Variants in AATK observed in about 807,000 individuals in gnomAD.
AATK encodes serine/threonine-protein kinase LMTK1.
Under a neutral mutation model 114.3 loss-of-function variants are expected in AATK, and 91 were observed. The ratio of observed to expected loss-of-function variants is 0.80; its 90% CI spans 0.67 to 0.95. The LOEUF (loss-of-function observed/expected upper bound fraction) is 0.95. AATK is among the 40% of genes least tolerant of loss of function. The pLI, the probability that AATK is intolerant of heterozygous loss-of-function variation, is 0.00. For synonymous variants in AATK, 1,075 were observed against 916.5 expected (o/e 1.17, Z -3.12); for missense variants, 2,176 against 1,965.2 (o/e 1.11, Z -2.03).
At position 81,122,423 on chromosome 17, in the gene AATK, G is replaced by A. The variant is rs2060711529; in HGVS notation, c.1513C>T (p.Leu505=). 6.9e-7 allele frequency: 1 copy of A among 1,458,076 alleles called. No homozygotes were observed. The highest frequency in any genetic ancestry group is 9.0e-7 in the Non-Finnish European group (1 of 1,107,318). 90.3% of individuals were successfully genotyped at this position (1,458,076 alleles called of 1,614,324 possible). A position where few individuals can be genotyped will look rare whatever the true frequency, so the allele number is the denominator to read the frequency against. The change falls in exon 11 of 14, where the codon CTG becomes TTG. Residue 505 remains leucine, a synonymous_variant. Coordinates refer to ENST00000326724, the MANE Select transcript of AATK (RefSeq NM_001080395.3). The part of the protein sequence containing the change: ...SPGRTARLQE[L]CAPDGAPPGV... ...GGGGGCGCGCCGTCGGGGGCGCACA[G>A]CTCCTGCAGGCGTGCGGTGCGGCCA...
chr17:81,124,230 A>G (rs963887922), intron 9 of AATK, among the ~76,000 whole-genome samples: 1 of 151,712 alleles, frequency 6.6e-6, no homozygotes. Context: ...GGGGCGGACC[A>G]CTCCCCTGGC....
intron 1 of AATK, among the ~76,000 whole-genome samples, chr17:81,160,057 C>T (rs2061412010): frequency 6.6e-6 from 1 of 152,172 alleles, no homozygotes; most frequent in Non-Finnish European, 1.5e-5. Flanking sequence ...CCCCTCACTC[C>T]CCCTGGGGCA....
At chr17:81,165,100 C>T (rs2061470384) in intron 1 of AATK, among the ~76,000 whole-genome samples, 1 of 152,216 alleles carries the variant, frequency 6.6e-6, no homozygotes, top group South Asian at 2.1e-4. Context: ...GCCCTGGGGC[C>T]ATGGATGGCA....
chr17:81,145,239 AAAAAAAAAAAAG>A (rs1344895413), intron 1 of AATK, among the ~76,000 whole-genome samples: 37 of 126,826 alleles, frequency 2.9e-4, no homozygotes, highest in South Asian at 5.0e-4. Flanking sequence ...TCCATCAAAA[AAAAAAAAAAAAG>A]AAAAAGAAAA....
At chr17:81,125,709 G>A (rs955786407) in intron 7 of AATK, among the ~76,000 whole-genome samples, 2 of 151,996 alleles carry the variant, frequency 1.3e-5, no homozygotes, top group South Asian at 2.1e-4. Context: ...AGGACTCAGG[G>A]TGGGGACAGA....
chr17:81,147,226 T>C (rs1425356707), intron 1 of AATK, among the ~76,000 whole-genome samples: 2 of 151,740 alleles, frequency 1.3e-5, no homozygotes, highest in African/African-American at 4.8e-5. Context: ...CCAGGCGTGG[T>C]GGCAGGTACC....
intron 1 of AATK, among the ~76,000 whole-genome samples, chr17:81,150,940 G>A (rs2061286829): frequency 6.6e-6 from 1 of 152,180 alleles, no homozygotes; most frequent in Non-Finnish European, 1.5e-5. Flanking sequence ...ATGTCCAGGG[G>A]TCAGGCCAGT....
chr17:81,137,069 C>T (rs2061021699), intron 1 of AATK, among the ~76,000 whole-genome samples: 1 of 151,990 alleles, frequency 6.6e-6, no homozygotes, highest in African/African-American at 2.4e-5. Context: ...ACCAGCCTGG[C>T]CAACACAGCG....
At position 81,121,284 on chromosome 17, in the gene AATK, C is replaced by T. The variant is rs556995173; in HGVS notation, c.2652G>A (p.Pro884=). 3.2e-5 allele frequency: 51 copies of T among 1,611,496 alleles called. No individual in the cohort carries two copies. Among genetic ancestry groups the T allele is most frequent in the African/African-American group, 2.1e-4 (16 of 74,906 alleles). ...TSSDGLQARR[P]DVVPAFRSLQ... ...GAGAGCGGAAGGCTGGCACCACATC[C>T]GGCCTCCTGGCCTGCAGGCCGTCGC... The change falls in exon 11 of 14, where the codon CCG becomes CCA. Residue 884 remains proline (P), a synonymous_variant. Coordinates refer to ENST00000326724, the MANE Select transcript of AATK (RefSeq NM_001080395.3).
chr17:81,130,547 G>A (rs560700753), intron 3 of AATK, among the ~76,000 whole-genome samples: 215 of 152,102 alleles, frequency 1.4e-3, no homozygotes, highest in Non-Finnish European at 2.3e-3. Context: ...TTCACCACCC[G>A]CCCACACGGG....
chr17:81,156,445 C>A (rs1294753410), intron 1 of AATK, among the ~76,000 whole-genome samples: 1 of 152,182 alleles, frequency 6.6e-6, no homozygotes, highest in Non-Finnish European at 1.5e-5. Context: ...GTCGCCCAGG[C>A]TGGAGTGCAG....
intron 1 of AATK, among the ~76,000 whole-genome samples, chr17:81,163,814 C>T (rs2061453048): frequency 1.3e-5 from 2 of 152,268 alleles, no homozygotes; most frequent in South Asian, 2.1e-4. Flanking sequence ...GAGACTGGCA[C>T]CAGTTCCTGC....
At position 81,120,742 on chromosome 17, in the gene AATK, G is replaced by A. The variant is rs2060689054; in HGVS notation, c.3194C>T (p.Ser1065Phe). 4 of 1,576,322 alleles carry A rather than the reference G, an allele frequency of 2.5e-6. No individual in the cohort carries two copies. The Admixed American group carries it at 7.3e-5, about 29-fold the overall frequency. Residue 1065 changes from serine (S) to phenylalanine (F), a missense_variant, in exon 11 of 14, where the codon TCC (serine) becomes TTC (phenylalanine). Transcript: ENST00000326724. ...GGGGCAGGTGCTGGGCTCTGGGGAGGACCCTTCAAGCTGCAGCAGTGGGGG... is the reference window on the plus strand; with the variant it reads ...GGGGCAGGTGCTGGGCTCTGGGGAGAACCCTTCAAGCTGCAGCAGTGGGGG... ...VLPPLLQLEG[S>F]SPEPSTCPSG...
Position 81,136,881 on chromosome 17 carries a change from C to G in AATK, c.56-2380G>C, listed in dbSNP as rs372611084. Among the ~76,000 whole-genome samples the G allele has an allele frequency of 2.5e-3, 388 of 152,264 alleles. 5 individuals are homozygous for G. Among genetic ancestry groups the G allele is most frequent in the South Asian group, 0.022 (104 of 4,824 alleles). On this transcript the variant is annotated intron_variant, in intron 1 of 13. Transcript: ENST00000326724. ...CAGTTTCTGGAGCCCCTACCAGTGC[C>G]CAGAGCAGCAGAAACCACAGCGGTT...
At chr17:81,165,897 AG>A in intron 1 of AATK, 40 bp downstream of exon 1, 3 of 1,559,560 alleles carry the variant, frequency 1.9e-6, no homozygotes, top group Non-Finnish European at 2.6e-6. Flanking sequence ...TCCGCAGCGG[AG>A]GGAGGCAGCG....
In AATK at chr17:81,120,059, C is replaced by T. The variant is rs567312551; in HGVS notation, c.3760G>A (p.Glu1254Lys). 18 of 1,457,584 alleles carry T rather than the reference C, an allele frequency of 1.2e-5. No homozygotes were observed. The African/African-American group carries it at 2.5e-4, about 20-fold the overall frequency. The allele number at this position is 1,457,584 out of a possible 1,614,324, so 90.3% of individuals were successfully genotyped here. ...GATTCCTTGGCGCCCGGGAAGGGCT[C>T]CCCGAGCTCCCGGGTGGGGCTTTCC... ...DQESPTRELG[E>K]PFPGAKESPP... Residue 1254 changes from glutamate (E) to lysine (K), a missense_variant, in exon 12 of 14, where the codon GAG (glutamate) becomes AAG (lysine). This residue lies in a region of AATK where 1,701 missense variants were observed against 1,394.7 expected (regional missense o/e 1.22). Coordinates refer to ENST00000326724, the MANE Select transcript of AATK (RefSeq NM_001080395.3).
intron 1 of AATK, among the ~76,000 whole-genome samples, chr17:81,163,970 GC>G (rs897504430): frequency 6.6e-6 from 1 of 152,148 alleles, no homozygotes; most frequent in Non-Finnish European, 1.5e-5. Flanking sequence ...CCCTCTGGGT[GC>G]CCCCCCACAG....
chr17:81,119,634 GCCCCGCTCC>G, intron 12 of AATK, 54 bp from the exon 13 acceptor site: 1 of 1,316,724 alleles, frequency 7.6e-7, no homozygotes, highest in Middle Eastern at 2.8e-4. Context: ...CCCCGGCCCG[GCCCCGCTCC>G]CACAGTCACG....
At chr17:81,159,732 C>T (rs2061407971) in intron 1 of AATK, among the ~76,000 whole-genome samples, 1 of 152,040 alleles carries the variant, frequency 6.6e-6, no homozygotes, top group Admixed American at 6.5e-5. Flanking sequence ...ACGGCATCCC[C>T]AGCTCCATCC....
Sources: allele counts gnomAD v4.1 joint callset (sites outside exome capture counted in the v4.1 genomes callset), GRCh38; gene constraint gnomAD v4.1.1; regional missense constraint gnomAD v4.1.1; transcripts MANE v1.5; gene names NCBI Gene and HGNC (gene_info 2026-07-23, HGNC 2026-07-21).